Variants in CDH13 observed in about 807,000 individuals in gnomAD.
CDH13 encodes the protein cadherin-13.
In CDH13, 24 loss-of-function variants were observed where a neutral mutation model predicts 63.8. The ratio of observed to expected loss-of-function variants is 0.38; its 90% confidence interval spans 0.27 to 0.53. The LOEUF (loss-of-function observed/expected upper bound fraction) is 0.53, where lower values mean the gene tolerates loss of function less well. Among genes scored for constraint, CDH13 ranks in the 20% least tolerant of loss-of-function variants. CDH13 has a pLI of 0.85. For synonymous variants in CDH13, 503 were observed against 355.3 expected (o/e 1.42, Z -4.67); for missense variants, 1,049 against 903.1 (o/e 1.16, Z -2.07).
intron 6 of CDH13, among the ~76,000 whole-genome samples, chr16:83,485,142 T>G (rs1201331041): frequency 6.6e-6 from 1 of 152,256 alleles, no homozygotes; most frequent in Non-Finnish European, 1.5e-5. Flanking sequence ...ACTATCATTT[T>G]GGCAATTCCC....
chr16:83,428,846 A>G (rs1007872062), intron 6 of CDH13, among the ~76,000 whole-genome samples: 1 of 152,206 alleles, frequency 6.6e-6, no homozygotes, highest in African/African-American at 2.4e-5. Flanking sequence ...AAATCTCCCC[A>G]TCTTCCAGTG....
intron 6 of CDH13, among the ~76,000 whole-genome samples, chr16:83,368,939 C>CAA (rs2091310345): frequency 2.9e-5 from 1 of 34,920 alleles, no homozygotes; most frequent in Non-Finnish European, 5.8e-5. Flanking sequence ...TATATATATA[C>CAA]TAGGTTTTTT....
At chr16:83,116,050 G>T (rs973553690) in intron 3 of CDH13, among the ~76,000 whole-genome samples, 4 of 152,228 alleles carry the variant, frequency 2.6e-5, no homozygotes, top group Non-Finnish European at 4.4e-5. Context: ...TCAGTTGGCT[G>T]TTAGGGAAGG....
intron 1 of CDH13, among the ~76,000 whole-genome samples, chr16:82,725,033 G>C (rs2033013022): frequency 6.6e-6 from 1 of 152,106 alleles, no homozygotes; most frequent in Non-Finnish European, 1.5e-5. Flanking sequence ...GCAATACTAA[G>C]TTCTTGATAA....
At chr16:83,199,434 C>G (rs1024095447) in intron 4 of CDH13, among the ~76,000 whole-genome samples, 2 of 152,174 alleles carry the variant, frequency 1.3e-5, no homozygotes, top group African/African-American at 2.4e-5. Context: ...TGTTCCTCCC[C>G]CTGAACTAGC....
Position 83,675,462 on chromosome 16 carries a change from G to A in CDH13, c.1285-2746G>A, listed in dbSNP as rs375010778. ...ATAGTTCCTCTGAAGCCAGCGTTCCGTTCAGGGAGTGTCAGCCTGGGAACA... is the reference window on the plus strand; with the variant it reads ...ATAGTTCCTCTGAAGCCAGCGTTCCATTCAGGGAGTGTCAGCCTGGGAACA... On this transcript the variant is annotated intron_variant, in intron 9 of 13. Coordinates refer to ENST00000567109, the MANE Select transcript of CDH13 (RefSeq NM_001257.5). Among the ~76,000 whole-genome samples the A allele has an allele frequency of 2.1e-4, 32 of 152,280 alleles. 1 individual carries two copies. The highest frequency in any genetic ancestry group is 2.1e-4 in the Non-Finnish European group (14 of 68,014).
At chr16:83,311,359 A>G (rs1443274368) in intron 5 of CDH13, among the ~76,000 whole-genome samples, 1 of 152,112 alleles carries the variant, frequency 6.6e-6, no homozygotes, top group Non-Finnish European at 1.5e-5. Flanking sequence ...AAAAGTCGTT[A>G]TATTTTTGTG....
At chr16:82,722,427 C>G (rs1042557280) in intron 1 of CDH13, among the ~76,000 whole-genome samples, 1 of 152,150 alleles carries the variant, frequency 6.6e-6, no homozygotes, top group African/African-American at 2.4e-5. Flanking sequence ...AGAGAGAGGG[C>G]TGCTATTACT....
At position 83,053,121 on chromosome 16, in the gene CDH13, C is replaced by G. The variant is rs1042793425; in HGVS notation, c.366+20903C>G. Among the ~76,000 whole-genome samples, 3 of 152,192 alleles carry G rather than the reference C, an allele frequency of 2.0e-5. No homozygotes were observed. In the South Asian group the frequency reaches 6.2e-4, roughly 32 times the overall value. On this transcript the variant is annotated intron_variant, in intron 3 of 13. Coordinates refer to ENST00000567109, the MANE Select transcript of CDH13 (RefSeq NM_001257.5). ...TGAATGAGATAATTCATGTGAGGCT[C>G]TTAGAAAGATGCCTGGAACATAGTA...
At chr16:83,568,595 G>T (rs1029994253) in intron 7 of CDH13, among the ~76,000 whole-genome samples, 1 of 152,152 alleles carries the variant, frequency 6.6e-6, no homozygotes, top group Non-Finnish European at 1.5e-5. Context: ...GTTCCCGAGT[G>T]GGGGCAGGGG....
At chr16:83,660,187 C>G (rs1913311208) in intron 8 of CDH13, among the ~76,000 whole-genome samples, 1 of 152,266 alleles carries the variant, frequency 6.6e-6, no homozygotes, top group South Asian at 2.1e-4. Flanking sequence ...AAGCACATTA[C>G]ATTTATTGTG....
chr16:82,749,120 T>C (rs2034305317), intron 1 of CDH13, among the ~76,000 whole-genome samples: 1 of 151,642 alleles, frequency 6.6e-6, no homozygotes, highest in Non-Finnish European at 1.5e-5. Flanking sequence ...CACAGTGAGT[T>C]GGATAAAAAG....
intron 4 of CDH13, among the ~76,000 whole-genome samples, chr16:83,130,821 T>G (rs2151654585): frequency 6.6e-6 from 1 of 152,278 alleles, no homozygotes; most frequent in African/African-American, 2.4e-5. Context: ...TGGTCATATT[T>G]TATTACAACC....
chr16:83,000,568 TTTTCTC>T (rs1416561379), intron 2 of CDH13, among the ~76,000 whole-genome samples: 3 of 130,300 alleles, frequency 2.3e-5, no homozygotes, highest in African/African-American at 9.0e-5. Flanking sequence ...CTCTTTTTTC[TTTTCTC>T]TTTTTTTTTT....
At chr16:83,319,133 G>C (rs1213357645) in intron 5 of CDH13, among the ~76,000 whole-genome samples, 1 of 152,028 alleles carries the variant, frequency 6.6e-6, no homozygotes, top group Non-Finnish European at 1.5e-5. Context: ...ATCTTACAAA[G>C]TAATATTCTT....
At chr16:83,130,491 T>C (rs1036456491) in intron 4 of CDH13, among the ~76,000 whole-genome samples, 3 of 152,190 alleles carry the variant, frequency 2.0e-5, no homozygotes, top group Non-Finnish European at 2.9e-5. Flanking sequence ...TTCTTGGCAA[T>C]GCACTCAAAA....
chr16:83,796,320 G>A lies in CDH13; in HGVS notation c.*1290G>A, dbSNP rs556968237. On this transcript the variant is annotated 3_prime_UTR_variant, in exon 14 of 14. Transcript: ENST00000567109. ...TTATTAGAGCTCGCCACGAACTAGG[G>A]TAAGGTGAGTGTCTTAGCATATTTT... is the stretch of plus-strand genomic sequence containing the variant. The A allele has an allele frequency of 6.6e-5, 10 of 152,288 alleles. No individual in the cohort carries two copies. The South Asian group carries it at 2.1e-3, about 32-fold the overall frequency. 9.4% of individuals were successfully genotyped at this position (152,288 alleles called of 1,614,324 possible).
chr16:82,770,916 C>T (rs1449899910), intron 1 of CDH13, among the ~76,000 whole-genome samples: 3 of 152,144 alleles, frequency 2.0e-5, no homozygotes, highest in Non-Finnish European at 4.4e-5. Context: ...CCACATTGCC[C>T]AGGCTGGTCT....
At chr16:83,738,122 C>G (rs1458838268) in intron 10 of CDH13, among the ~76,000 whole-genome samples, 2 of 152,284 alleles carry the variant, frequency 1.3e-5, no homozygotes, top group East Asian at 1.9e-4. Flanking sequence ...TGTGAGGGAG[C>G]CTGCTGGCAT....
Sources: gnomAD v4.1 joint callset for allele counts (sites outside exome capture counted in the v4.1 genomes callset) on GRCh38, gnomAD v4.1.1 for gene constraint, MANE v1.5 for transcripts, NCBI Gene and HGNC (gene_info 2026-07-23, HGNC 2026-07-21) for gene names.